Variants in LTF observed in about 807,000 individuals in gnomAD.
LTF encodes the protein epididymis luminal protein 110.
LTF carries 91 observed loss-of-function variants against 87.2 expected under a neutral mutation model. The observed-to-expected ratio is 1.04, with a 90% CI of 0.88 to 1.24. LTF has a LOEUF of 1.24. Among genes scored for constraint, LTF ranks in the 50% most tolerant of loss-of-function variants. The probability of loss-of-function intolerance (pLI) is 0.00; values close to 1 mark genes in which losing one functional copy is unlikely to be tolerated. For synonymous variants in LTF, 378 were observed against 356.1 expected (o/e 1.06, Z -0.69); for missense variants, 901 against 904.3 (o/e 1.00, Z 0.05).
rs144829355 is a variant in LTF at position 46,459,763 on chromosome 3, C to T, written c.100G>A (p.Glu34Lys). The change falls in exon 2 of 17, where the codon GAG becomes AAG. Residue 34 changes from glutamate (E) to lysine (K), a missense_variant. Coordinates refer to ENST00000231751, the MANE Select transcript of LTF (RefSeq NM_002343.6). ...TGCCATTGGAAGCATTTTGTGGCCT[C>T]GGGTTGGGATACGGCGCACCACTGA... ...SVQWCAVSQP[E>K]ATKCFQWQRN... 537 of 1,566,756 alleles carry T rather than the reference C, an allele frequency of 3.4e-4. No homozygotes were observed. The highest frequency in any genetic ancestry group is 4.5e-4 in the Non-Finnish European group (524 of 1,164,186).
chr3:46,483,854 G>A (rs969262595), intron 1 of LTF, among the ~76,000 whole-genome samples: 1 of 151,670 alleles, frequency 6.6e-6, no homozygotes, highest in Non-Finnish European at 1.5e-5. Context: ...GTTGGCCTGG[G>A]TAGCCTCAAA....
intron 3 of LTF, 92 bp from the exon 4 acceptor site, chr3:46,456,070 A>T (rs1222310070): frequency 8.2e-7 from 1 of 1,216,806 alleles, no homozygotes; most frequent in African/African-American, 1.5e-5. Context: ...GGAAGGGGGA[A>T]TGCTGTGCTG....
intron 3 of LTF, 115 bp from the exon 4 acceptor site, chr3:46,456,093 A>G: frequency 9.4e-7 from 1 of 1,060,558 alleles, no homozygotes; most frequent in Non-Finnish European, 1.3e-6. Flanking sequence ...GTTTCCTCAC[A>G]GCTCACGTGT....
intron 1 of LTF, among the ~76,000 whole-genome samples, chr3:46,478,230 T>C (rs904619530): frequency 1.3e-5 from 2 of 152,166 alleles, no homozygotes; most frequent in Non-Finnish European, 2.9e-5. Flanking sequence ...ATGGCCCCTC[T>C]CAGCAGCCTG....
intron 1 of LTF, among the ~76,000 whole-genome samples, chr3:46,484,346 T>C (rs751251893): frequency 1.3e-5 from 2 of 152,210 alleles, no homozygotes; most frequent in Non-Finnish European, 2.9e-5. Context: ...TACCATAGGA[T>C]GCTGCTCTGA....
At chr3:46,464,802 C>A in intron 1 of LTF, 23 bp downstream of exon 1, 2 of 1,613,476 alleles carry the variant, frequency 1.2e-6, no homozygotes, top group South Asian at 2.2e-5. Context: ...AGGCGGCTCG[C>A]GCCCCCAGGC....
chr3:46,460,662 TGAGA>T, intron 1 of LTF: 1 of 449,050 alleles, frequency 2.2e-6, no homozygotes, highest in Non-Finnish European at 4.5e-6. Flanking sequence ...TCAGGAATGA[TGAGA>T]GAGTGTCCAC....
At chr3:46,474,059 T>TA (rs1703326943) in intron 1 of LTF, among the ~76,000 whole-genome samples, 1 of 151,940 alleles carries the variant, frequency 6.6e-6, no homozygotes, top group Admixed American at 6.6e-5. Flanking sequence ...CAGTAAAATC[T>TA]AAAAACAGAG....
At chr3:46,473,482 A>G (rs1168048740) in intron 1 of LTF, among the ~76,000 whole-genome samples, 2 of 152,244 alleles carry the variant, frequency 1.3e-5, no homozygotes, top group East Asian at 3.8e-4. Flanking sequence ...AAGATTATAG[A>G]TGTAGTGGTT....
upstream of LTF, chr3:46,468,418 G>T: frequency 6.9e-6 from 3 of 434,446 alleles, no homozygotes; most frequent in Non-Finnish European, 1.4e-5. Flanking sequence ...CCATGCAGTG[G>T]CAAGAGCTAG....
chr3:46,457,350 G>C (rs1368396373), intron 2 of LTF, among the ~76,000 whole-genome samples: 1 of 152,152 alleles, frequency 6.6e-6, no homozygotes, highest in Non-Finnish European at 1.5e-5. Flanking sequence ...CCAATGTTTA[G>C]CATTTAAGTT....
chr3:46,471,763 A>C lies in LTF; in HGVS notation c.-319-1297T>G, dbSNP rs569933673. The stretch of plus-strand genomic sequence containing the variant: ...CAGCACCCAGCACCTGCCTGCAGAG[A>C]AGCTGGGACCTACTTCTCCTACTGA... On this transcript the variant is annotated intron_variant, in intron 1 of 19. Coordinates refer to the LTF transcript ENST00000443496. 5.3e-5 allele frequency among the ~76,000 whole-genome samples: 8 copies of C among 152,288 alleles called. No individual in the cohort carries two copies. In the South Asian group the frequency reaches 1.7e-3, roughly 32 times the overall value.
chr3:46,481,007 T>G (rs1703424387), intron 1 of LTF, among the ~76,000 whole-genome samples: 1 of 152,130 alleles, frequency 6.6e-6, no homozygotes, highest in Non-Finnish European at 1.5e-5. Context: ...CCACTGCTGA[T>G]AGGCAGCACG....
chr3:46,443,862 G>A (rs7624071), intron 12 of LTF, among the ~76,000 whole-genome samples: 53,306 of 152,088 alleles, frequency 0.35, 9,838 homozygotes, highest in East Asian at 0.67. Flanking sequence ...TTGAGCTGGG[G>A]ACTCAGCTCA....
upstream of LTF, chr3:46,465,170 C>T (rs367814024): frequency 2.1e-6 from 1 of 465,742 alleles, no homozygotes; most frequent in Middle Eastern, 6.0e-4. Flanking sequence ...AGTCGCAGCC[C>T]CCTGAGCCCT....
chr3:46,460,509 G>A (rs1575321848), intron 1 of LTF: 1 of 450,244 alleles, frequency 2.2e-6, no homozygotes, highest in Non-Finnish European at 4.5e-6. Flanking sequence ...TTTTGAGCCT[G>A]CTTTTGTTGC....
At chr3:46,481,723 C>A (rs1703433746) in intron 1 of LTF, among the ~76,000 whole-genome samples, 1 of 152,154 alleles carries the variant, frequency 6.6e-6, no homozygotes, top group Non-Finnish European at 1.5e-5. Context: ...TGCACTCCAG[C>A]CTGGGAGACA....
chr3:46,464,171 C>T (rs531126715), intron 1 of LTF, among the ~76,000 whole-genome samples: 3 of 152,164 alleles, frequency 2.0e-5, no homozygotes, highest in African/African-American at 4.8e-5. Flanking sequence ...TCTGAGCACC[C>T]GAGAAATTAC....
At chr3:46,452,332 A>C (rs1702822692) in intron 6 of LTF, among the ~76,000 whole-genome samples, 1 of 152,200 alleles carries the variant, frequency 6.6e-6, no homozygotes, top group Non-Finnish European at 1.5e-5. Flanking sequence ...CAAAGGAAAA[A>C]TTTTAGTTCT....
Sources: gnomAD v4.1 joint callset for allele counts (sites outside exome capture counted in the v4.1 genomes callset) on GRCh38, gnomAD v4.1.1 for gene constraint, MANE v1.5 for transcripts, NCBI Gene and HGNC (gene_info 2026-07-23, HGNC 2026-07-21) for gene names.